Variants in WASF2 observed in about 807,000 individuals in gnomAD.
WASF2 encodes the protein actin-binding protein WASF2.
A neutral mutation model predicts 45.0 loss-of-function variants in WASF2; 14 were observed. The ratio of observed to expected loss-of-function variants is 0.31; its 90% CI spans 0.21 to 0.49. WASF2 has a LOEUF of 0.49. Among genes scored for constraint, WASF2 ranks in the 20% least tolerant of loss-of-function variants. The probability of loss-of-function intolerance (pLI) is 0.99; values close to 1 mark genes in which losing one functional copy is unlikely to be tolerated. For missense variants in WASF2, 439 were observed against 636.1 expected (o/e 0.69, Z 3.33); for synonymous variants, 200 against 236.3 (o/e 0.85, Z 1.41).
At chr1:27,457,890 T>C (rs892900462) in intron 1 of WASF2, among the ~76,000 whole-genome samples, 23 of 152,148 alleles carry the variant, frequency 1.5e-4, no homozygotes, top group African/African-American at 5.3e-4. Context: ...CCCAAAGTGC[T>C]AGGGTTACAG....
chr1:27,456,479 G>T (rs1473428658), intron 1 of WASF2, among the ~76,000 whole-genome samples: 1 of 152,086 alleles, frequency 6.6e-6, no homozygotes, highest in Non-Finnish European at 1.5e-5. Context: ...GTCCATATCA[G>T]ATAGGCCAGG....
intron 1 of WASF2, among the ~76,000 whole-genome samples, chr1:27,473,185 A>C (rs2017716049): frequency 6.6e-6 from 1 of 152,068 alleles, no homozygotes; most frequent in South Asian, 2.1e-4. Context: ...TAGACATATA[A>C]ATAGCCAATA....
rs887679157 is a variant in WASF2, at chr1:27,419,973, C to T, written c.131-885G>A. Among the ~76,000 whole-genome samples, 11 of 152,142 alleles carry T rather than the reference C, an allele frequency of 7.2e-5. No homozygotes were observed. In the South Asian group the frequency reaches 2.1e-3, roughly 29 times the overall value. ...AGGCTGCAGTACAGTGGCGTGATCT[C>T]GGCTCACTGCAACCTCCATCTCCTG... On this transcript the variant is annotated intron_variant, in intron 2 of 8. Transcript: ENST00000618852.
intron 1 of WASF2, among the ~76,000 whole-genome samples, chr1:27,450,953 G>A (rs1291338296): frequency 6.7e-6 from 1 of 149,460 alleles, no homozygotes; most frequent in East Asian, 2.1e-4. Context: ...GCTCACACCT[G>A]TAATCTCAAC....
chr1:27,454,187 A>ATATATT (rs1469446976), intron 1 of WASF2, among the ~76,000 whole-genome samples: 22 of 12,772 alleles, frequency 1.7e-3, no homozygotes, highest in African/African-American at 4.1e-3. Flanking sequence ...ATATATATAT[A>ATATATT]TTTTTTTTTT....
intron 1 of WASF2, among the ~76,000 whole-genome samples, chr1:27,474,000 A>G (rs1052768534): frequency 6.6e-6 from 1 of 152,194 alleles, no homozygotes; most frequent in Non-Finnish European, 1.5e-5. Flanking sequence ...GGAGGAAACC[A>G]GAGTACCTGG....
Position 27,414,782 on chromosome 1 carries a change from G to A in WASF2, c.668+51C>T. The A allele has an allele frequency of 1.3e-6, 2 of 1,597,868 alleles. No individual in the cohort carries two copies. Among genetic ancestry groups the A allele is most frequent in the South Asian group, 2.2e-5 (2 of 89,172 alleles). On this transcript the variant is annotated intron_variant, in intron 6 of 8. Coordinates refer to ENST00000618852, the MANE Select transcript of WASF2 (RefSeq NM_006990.5). This position sits in a 1 kb window ranked among gnomAD's most constrained non-coding sequence, Gnocchi z 4.1. ...GTCACACCAGAGCTGTCAGACTGTT[G>A]TCCCCAGCCCCTTCAAAGAATGCTA...
chr1:27,431,356 A>G (rs2148113268), intron 1 of WASF2, among the ~76,000 whole-genome samples: 1 of 152,314 alleles, frequency 6.6e-6, no homozygotes, highest in East Asian at 1.9e-4. Flanking sequence ...ACTAAGATGC[A>G]ATCTTCAGTA....
chr1:27,428,353 T>G (rs1181873398), intron 2 of WASF2, among the ~76,000 whole-genome samples: 1 of 152,188 alleles, frequency 6.6e-6, no homozygotes, highest in African/African-American at 2.4e-5. Context: ...CATTTGAGGC[T>G]TCAACAAAGT....
At chr1:27,443,031 C>A (rs544132396) in intron 1 of WASF2, among the ~76,000 whole-genome samples, 1 of 149,464 alleles carries the variant, frequency 6.7e-6, no homozygotes, top group Non-Finnish European at 1.5e-5. Context: ...AGGCACGGTG[C>A]CGAAAACCTG....
chr1:27,450,297 G>A (rs982494560), intron 1 of WASF2, among the ~76,000 whole-genome samples: 2 of 152,062 alleles, frequency 1.3e-5, no homozygotes, highest in African/African-American at 2.4e-5. Context: ...TTCCAAAAAG[G>A]CTAAGAAATG....
intron 1 of WASF2, among the ~76,000 whole-genome samples, chr1:27,448,428 G>C (rs1350125254): frequency 6.6e-6 from 1 of 152,002 alleles, no homozygotes; most frequent in African/African-American, 2.4e-5. Flanking sequence ...ATCATAAAAA[G>C]AACAAATCAA....
chr1:27,485,057 G>A (rs2017905080), intron 1 of WASF2, among the ~76,000 whole-genome samples: 1 of 152,056 alleles, frequency 6.6e-6, no homozygotes, highest in African/African-American at 2.4e-5. Flanking sequence ...GGCTGAGGCA[G>A]GAGAATTGTT....
chr1:27,411,554 T>A (rs2016760409), intron 7 of WASF2, among the ~76,000 whole-genome samples: 1 of 152,220 alleles, frequency 6.6e-6, no homozygotes, highest in African/African-American at 2.4e-5. Context: ...TACCACTTCA[T>A]TTCATGATGA....
At chr1:27,431,017 T>C (rs1210541568) in intron 1 of WASF2, among the ~76,000 whole-genome samples, 2 of 152,188 alleles carry the variant, frequency 1.3e-5, no homozygotes, top group Non-Finnish European at 2.9e-5. Flanking sequence ...GTTATGGACA[T>C]TCTGATCTGC....
At chr1:27,408,660 C>G (rs1409873032) in intron 8 of WASF2, among the ~76,000 whole-genome samples, 1 of 152,136 alleles carries the variant, frequency 6.6e-6, no homozygotes, top group Admixed American at 6.5e-5. Flanking sequence ...CTGCCCAATT[C>G]CATCAATTAT....
intron 1 of WASF2, among the ~76,000 whole-genome samples, chr1:27,449,761 A>G (rs2017359008): frequency 6.6e-6 from 1 of 152,174 alleles, no homozygotes; most frequent in South Asian, 2.1e-4. Context: ...TTTTAGAAAT[A>G]GATTCTGGCA....
chr1:27,420,915 C>A (rs1436547391), intron 2 of WASF2, among the ~76,000 whole-genome samples: 1 of 152,104 alleles, frequency 6.6e-6, no homozygotes, highest in Non-Finnish European at 1.5e-5. Flanking sequence ...TTAAAGTAGG[C>A]TCTAATTTTT....
At chr1:27,437,745 T>C (rs1160031170) in intron 1 of WASF2, among the ~76,000 whole-genome samples, 1 of 152,218 alleles carries the variant, frequency 6.6e-6, no homozygotes, top group Admixed American at 6.5e-5. Context: ...TTATGAATAA[T>C]TGTACTTATA....
Sources: gnomAD v4.1 joint callset for allele counts (sites outside exome capture counted in the v4.1 genomes callset) on GRCh38, gnomAD v4.1.1 for gene constraint, Gnocchi (gnomAD v3.1) non-coding constraint, MANE v1.5 for transcripts, NCBI Gene and HGNC (gene_info 2026-07-23, HGNC 2026-07-21) for gene names.